Variants in FRY observed in about 807,000 individuals in gnomAD.
FRY encodes the protein FRY microtubule binding protein.
In FRY, 128 loss-of-function variants were observed where a neutral mutation model predicts 348.4. The observed-to-expected ratio is 0.37, with a 90% confidence interval of 0.32 to 0.43. The LOEUF (loss-of-function observed/expected upper bound fraction) is 0.43. Among genes scored for constraint, FRY ranks in the 20% least tolerant of loss-of-function variants. The pLI is 1.00. For missense variants in FRY, 2,736 were observed against 3,695.2 expected, an observed-to-expected ratio of 0.74 and a Z score of 6.73; for synonymous variants, 1,370 against 1,374.7, an observed-to-expected ratio of 1.00 and a Z score of 0.08.
Position 32,262,484 on chromosome 13 carries a change from A to AT in FRY, c.7779+13dup, listed in dbSNP as rs774037348. ...TTTCTGAGGGTTCAAAGGTGAAGAG[A>AT]TTTTAACAATGATGATTTGTACTTC... On this transcript the variant is annotated intron_variant, in intron 53 of 60. Transcript: ENST00000542859. The AT allele has an allele frequency of 6.2e-5, 100 of 1,605,692 alleles. No individual in the cohort carries two copies. Among genetic ancestry groups the AT allele is most frequent in the Non-Finnish European group, 8.1e-5 (95 of 1,172,498 alleles).
At chr13:32,128,861 C>T (rs1879182976) in intron 7 of FRY, among the ~76,000 whole-genome samples, 1 of 152,200 alleles carries the variant, frequency 6.6e-6, no homozygotes, top group Admixed American at 6.5e-5. Context: ...TTATTCATCC[C>T]TGGAATTACG....
At chr13:32,222,695 G>T (rs1885377568) in intron 36 of FRY, among the ~76,000 whole-genome samples, 1 of 152,214 alleles carries the variant, frequency 6.6e-6, no homozygotes, top group African/African-American at 2.4e-5. Flanking sequence ...CTCTGAATAT[G>T]TGGATGACAA....
At chr13:32,075,624 C>A (rs895531087) in intron 1 of FRY, among the ~76,000 whole-genome samples, 1 of 152,206 alleles carries the variant, frequency 6.6e-6, no homozygotes, top group African/African-American at 2.4e-5. Context: ...TACCGGGGAA[C>A]ATGAGTTTCC....
intron 1 of FRY, among the ~76,000 whole-genome samples, chr13:32,058,251 G>C (rs535530944): frequency 1.3e-5 from 2 of 152,122 alleles, no homozygotes; most frequent in Non-Finnish European, 2.9e-5. Context: ...AATCATGAAG[G>C]TTAGCCCTGG....
intron 2 of FRY, among the ~76,000 whole-genome samples, chr13:32,082,404 A>G (rs78982294): frequency 0.034 from 5,159 of 152,230 alleles, 91 homozygotes; most frequent in African/African-American, 0.039. Flanking sequence ...TGCTTCATGG[A>G]GACATTTAAT....
intron 1 of FRY, chr13:32,061,059 GT>G: frequency 1.9e-6 from 1 of 528,726 alleles, no homozygotes; most frequent in South Asian, 1.4e-5. Context: ...AACATGGTCT[GT>G]GTAGCTGTTC....
At chr13:32,208,004 A>G (rs1884453775) in intron 31 of FRY, among the ~76,000 whole-genome samples, 2 of 152,256 alleles carry the variant, frequency 1.3e-5, no homozygotes, top group Non-Finnish European at 2.9e-5. Flanking sequence ...TCTCTATCTT[A>G]GAAAGTTTAT....
At chr13:32,090,350 C>CAAAAA (rs34392238) in intron 2 of FRY, among the ~76,000 whole-genome samples, 1 of 58,800 alleles carries the variant, frequency 1.7e-5, no homozygotes, top group Non-Finnish European at 3.1e-5. Context: ...GACTCCATCT[C>CAAAAA]AAAAAAAAAA....
intron 55 of FRY, among the ~76,000 whole-genome samples, chr13:32,272,715 T>A (rs993787019): frequency 5.3e-5 from 8 of 152,124 alleles, no homozygotes; most frequent in African/African-American, 1.9e-4. Context: ...GTAAAAGTGT[T>A]TTTTTGTTTG....
intron 11 of FRY, among the ~76,000 whole-genome samples, chr13:32,141,593 A>G (rs1220899073): frequency 6.6e-6 from 1 of 152,212 alleles, no homozygotes; most frequent in Admixed American, 6.5e-5. Flanking sequence ...GGTTCAGAAT[A>G]TCTAAGGTGC....
chr13:32,129,649 A>G (rs1593646395), intron 7 of FRY, among the ~76,000 whole-genome samples: 1 of 152,256 alleles, frequency 6.6e-6, no homozygotes, highest in Non-Finnish European at 1.5e-5. Context: ...AGCGATGCTA[A>G]TAACCCATTA....
At chr13:32,053,249 T>TA (rs1327405824) in intron 1 of FRY, among the ~76,000 whole-genome samples, 4 of 152,222 alleles carry the variant, frequency 2.6e-5, no homozygotes, top group Non-Finnish European at 1.5e-5. Context: ...GTCCCAGTCT[T>TA]AGACAGAAGA....
At position 32,178,264 on chromosome 13, in the gene FRY, A is replaced by C; in HGVS notation, c.2509A>C (p.Ser837Arg). Residue 837 changes from serine (S) to arginine (R), a missense_variant, in exon 21 of 61, where the codon AGC (serine) becomes CGC (arginine). By Grantham distance (110) the Ser-to-Arg change is moderately radical. This residue lies in a region of FRY where 449 missense variants were observed against 576.9 expected (regional missense o/e 0.78). Coordinates refer to ENST00000542859, the MANE Select transcript of FRY (RefSeq NM_023037.3). ...GGTCAATAGCCATTATGATGTGAAA[A>C]GCCCTTCCCATGTCTGGATATTTGC... ...VLVNSHYDVKSPSHVWIFAQS... is the reference protein window; with the variant it reads ...VLVNSHYDVKRPSHVWIFAQS... 6.2e-7 allele frequency: 1 copy of C among 1,614,160 alleles called. No individual in the cohort carries two copies. Among genetic ancestry groups the C allele is most frequent in the Non-Finnish European group, 8.5e-7 (1 of 1,179,998 alleles).
At chr13:32,249,456 C>T in intron 48 of FRY, 70 bp from the exon 49 acceptor site, 1 of 1,543,582 alleles carries the variant, frequency 6.5e-7, no homozygotes, top group Non-Finnish European at 8.9e-7. Context: ...TTGGTTGCTT[C>T]TGGGGAGAAG....
chr13:32,059,583 G>A (rs550622913), intron 1 of FRY, among the ~76,000 whole-genome samples: 1 of 150,878 alleles, frequency 6.6e-6, no homozygotes, highest in Non-Finnish European at 1.5e-5. Flanking sequence ...ACGTGCCGTT[G>A]TGTTACATGG....
At chr13:32,246,653 G>C (rs1007972104) in intron 47 of FRY, among the ~76,000 whole-genome samples, 2 of 152,228 alleles carry the variant, frequency 1.3e-5, no homozygotes, top group Admixed American at 1.3e-4. Flanking sequence ...GATCACTCTA[G>C]CTGGATCTGA....
intron 1 of FRY, among the ~76,000 whole-genome samples, chr13:32,062,663 A>G (rs1281376727): frequency 6.6e-6 from 1 of 152,188 alleles, no homozygotes. Context: ...CTAAATGAAT[A>G]AGCCCATATG....
chr13:32,049,679 C>A (rs1324969412), intron 1 of FRY, among the ~76,000 whole-genome samples: 1 of 152,136 alleles, frequency 6.6e-6, no homozygotes, highest in Non-Finnish European at 1.5e-5. Flanking sequence ...GAGGTAGGGA[C>A]AATCACTGCG....
chr13:32,110,907 C>T (rs1320565585), intron 3 of FRY, among the ~76,000 whole-genome samples: 3 of 152,178 alleles, frequency 2.0e-5, no homozygotes, highest in Non-Finnish European at 1.5e-5. Context: ...AATTCAGATC[C>T]TTATTGTCAC....
Sources: gnomAD v4.1 joint callset for allele counts (sites outside exome capture counted in the v4.1 genomes callset) on GRCh38, gnomAD v4.1.1 for gene constraint, gnomAD v4.1.1 regional missense constraint, MANE v1.5 for transcripts, NCBI Gene and HGNC (gene_info 2026-07-23, HGNC 2026-07-21) for gene names.